Variants in TGDS observed in about 807,000 individuals in gnomAD.
The protein encoded by TGDS is TDP-glucose 4,6-dehydratase, also known as UDP-D-glucose 4,6-dehydratase.
In TGDS, 47 loss-of-function variants were observed where a neutral mutation model predicts 52.3. The ratio of observed to expected loss-of-function variants is 0.90; its 90% CI spans 0.71 to 1.15. The LOEUF (loss-of-function observed/expected upper bound fraction) is 1.15, where lower values mean the gene tolerates loss of function less well. TGDS is among the 50% of genes most tolerant of loss of function. TGDS has a pLI of 0.00. For missense variants in TGDS, 375 were observed against 418.4 expected (o/e 0.90, Z 0.90); for synonymous variants, 115 against 136.9 (o/e 0.84, Z 1.12).
Position 94,578,029 on chromosome 13 carries a change from C to T in TGDS, c.801G>A (p.Gln267=). The change falls in exon 9 of 12, where the codon CAG becomes CAA. Residue 267 remains glutamine (Q), a synonymous_variant. Coordinates refer to ENST00000261296, the MANE Select transcript of TGDS (RefSeq NM_014305.4). ...IGTNFEMSVV[Q]LAKELIQLIK... ...CCAGTTGTATTAGTTCTTTGGCAAGCTGGACAACTGACATTTCAAAATTGG... is the reference window on the plus strand; with the variant it reads ...CCAGTTGTATTAGTTCTTTGGCAAGTTGGACAACTGACATTTCAAAATTGG... 6.2e-7 allele frequency: 1 copy of T among 1,613,748 alleles called. No homozygotes were observed. Among genetic ancestry groups the T allele is most frequent in the Non-Finnish European group, 8.5e-7 (1 of 1,179,808 alleles).
At position 94,577,407 on chromosome 13, in the gene TGDS, G is replaced by T; in HGVS notation, c.848C>A (p.Ser283Tyr). The T allele has an allele frequency of 6.3e-7, 1 of 1,576,528 alleles. No individual in the cohort carries two copies. The highest frequency in any genetic ancestry group is 8.6e-7 in the Non-Finnish European group (1 of 1,165,754). ...ATAATCAACCCAATTTTCCATTTCAGACTCTGAATTGGTCTCTTTGATCTG... is the reference window on the plus strand; with the variant it reads ...ATAATCAACCCAATTTTCCATTTCATACTCTGAATTGGTCTCTTTGATCTG... ...IQLIKETNSE[S>Y]EMENWVDYVN... is the part of the protein sequence containing the mutation. The change falls in exon 10 of 12, where the codon TCT becomes TAT. Residue 283 changes from serine to tyrosine, a missense_variant. Physicochemically the swap from Ser to Tyr is moderately radical, Grantham distance 144. Coordinates refer to ENST00000261296, the MANE Select transcript of TGDS (RefSeq NM_014305.4).
chr13:94,585,672 C>T (rs1358343425), intron 4 of TGDS, among the ~76,000 whole-genome samples: 3 of 151,780 alleles, frequency 2.0e-5, no homozygotes, highest in Admixed American at 1.3e-4. Flanking sequence ...TGGTGGCACA[C>T]GCCTGTAATC....
At chr13:94,577,967 A>T (rs753067114) in intron 9 of TGDS, 38 bp downstream of exon 9, 1 of 1,591,312 alleles carries the variant, frequency 6.3e-7, no homozygotes, top group East Asian at 2.3e-5. Context: ...TGCCACTAAC[A>T]ATTTTGAAAA....
At position 94,593,840 on chromosome 13, in the gene TGDS, C is replaced by T. The variant is rs1555343391; in HGVS notation, c.153+1G>A. The T allele has an allele frequency of 1.3e-6, 2 of 1,559,808 alleles. No homozygotes were observed. Among genetic ancestry groups the T allele is most frequent in the Non-Finnish European group, 1.8e-6 (2 of 1,142,394 alleles). On this transcript the variant is annotated splice_donor_variant, in intron 2 of 11. Transcript: ENST00000261296. LOFTEE classifies it high-confidence loss of function. ...ATGATGCTCATTTTTATAAAACTCA[C>T]CTTGTCTAGATTTATGATCATATAG...
intron 6 of TGDS, among the ~76,000 whole-genome samples, chr13:94,580,200 G>A (rs1243981661): frequency 6.6e-6 from 1 of 152,202 alleles, no homozygotes; most frequent in African/African-American, 2.4e-5. Context: ...GATAAACACA[G>A]ATGGCACAGG....
intron 4 of TGDS, among the ~76,000 whole-genome samples, chr13:94,584,547 A>C (rs1190505038): frequency 1.3e-5 from 2 of 152,222 alleles, no homozygotes; most frequent in Admixed American, 6.5e-5. Context: ...ATAGGCAAAT[A>C]ATATTCCCTA....
intron 10 of TGDS, 111 bp downstream of exon 10, chr13:94,577,260 C>T: frequency 1.3e-6 from 1 of 775,710 alleles, no homozygotes; most frequent in Non-Finnish European, 1.9e-6. Flanking sequence ...AATGTTTTAC[C>T]AGAAAATTCA....
chr13:94,583,225 C>G lies in TGDS; in HGVS notation c.325G>C (p.Val109Leu). 6.2e-7 allele frequency: 1 copy of G among 1,611,888 alleles called. No homozygotes were observed. Among genetic ancestry groups the G allele is most frequent in the Non-Finnish European group, 8.5e-7 (1 of 1,179,462 alleles). The change falls in exon 5 of 12, where the codon GTA (valine) becomes CTA (leucine). Residue 109 changes from valine (V) to leucine (L), a missense_variant. Physicochemically the swap from Val to Leu is conservative, Grantham distance 32 (BLOSUM62 1). Coordinates refer to ENST00000261296, the MANE Select transcript of TGDS (RefSeq NM_014305.4). ...ACATAGGTAAACTCAAAGGCACGTA[C>G]GAATGAAAGATCTAAAAGAAAAGAG... ...AAQTHVDLSF[V>L]RAFEFTYVNV...
At chr13:94,594,106 A>T (rs1322131158) in intron 1 of TGDS, among the ~76,000 whole-genome samples, 199 bp from the exon 2 acceptor site, 1 of 152,246 alleles carries the variant, frequency 6.6e-6, no homozygotes, top group African/African-American at 2.4e-5. Flanking sequence ...TATAAACAAA[A>T]GTTTTACATT....
intron 5 of TGDS, among the ~76,000 whole-genome samples, chr13:94,581,726 A>C (rs918624624): frequency 6.6e-6 from 1 of 152,180 alleles, no homozygotes; most frequent in Non-Finnish European, 1.5e-5. Flanking sequence ...TTCTCACTGT[A>C]AGTCTTTTCA....
chr13:94,576,280 G>T, intron 11 of TGDS, 34 bp downstream of exon 11: 2 of 1,448,432 alleles, frequency 1.4e-6, no homozygotes, highest in East Asian at 2.4e-5. Context: ...AAATTTTTCT[G>T]ACTTGCCCCC....
At chr13:94,589,791 G>A (rs1488047777) in intron 4 of TGDS, among the ~76,000 whole-genome samples, 2 of 152,194 alleles carry the variant, frequency 1.3e-5, no homozygotes, top group East Asian at 3.8e-4. Flanking sequence ...CTAAGATTTG[G>A]TGATATCTGG....
chr13:94,576,595 T>C (rs1419234855), intron 10 of TGDS, among the ~76,000 whole-genome samples, 184 bp from the exon 11 acceptor site: 1 of 151,772 alleles, frequency 6.6e-6, no homozygotes, highest in African/African-American at 2.4e-5. Context: ...AAGTCACCCA[T>C]AATGCCAGGT....
rs762149592 is a variant in TGDS at position 94,578,129 on chromosome 13, T to A, written c.701A>T (p.Tyr234Phe). ...AAATGCTTCTACAACATCAGTAGCA[T>A]AAAGGAAGTTTCTTGTTTGAAGCCC... Reference protein sequence around the residue: ...GSGLQTRNFLYATDVVEAFLT... With the variant: ...GSGLQTRNFLFATDVVEAFLT... The change falls in exon 9 of 12, where the codon TAT (tyrosine) becomes TTT (phenylalanine). Residue 234 changes from tyrosine (Y) to phenylalanine (F), a missense_variant. Coordinates refer to ENST00000261296, the MANE Select transcript of TGDS (RefSeq NM_014305.4). 5.6e-6 allele frequency: 9 copies of A among 1,613,836 alleles called. No individual in the cohort carries two copies. The South Asian group carries it at 9.9e-5, about 18-fold the overall frequency.
At chr13:94,580,741 G>A (rs1042723102) in intron 6 of TGDS, among the ~76,000 whole-genome samples, 8 of 152,212 alleles carry the variant, frequency 5.3e-5, no homozygotes, top group Admixed American at 3.3e-4. Context: ...AACTGAATAC[G>A]AAGAGGTCGG....
At chr13:94,584,887 A>T (rs1028404931) in intron 4 of TGDS, among the ~76,000 whole-genome samples, 6 of 152,224 alleles carry the variant, frequency 3.9e-5, no homozygotes, top group African/African-American at 1.4e-4. Context: ...AAACAAAATC[A>T]AATGTGTTAA....
intron 3 of TGDS, among the ~76,000 whole-genome samples, 200 bp downstream of exon 3, chr13:94,592,041 T>C (rs1889219369): frequency 6.6e-6 from 1 of 151,876 alleles, no homozygotes; most frequent in Non-Finnish European, 1.5e-5. Flanking sequence ...AAATCACATG[T>C]AGCTTTTTAT....
chr13:94,586,390 A>G (rs943373377), intron 4 of TGDS, among the ~76,000 whole-genome samples: 1 of 152,364 alleles, frequency 6.6e-6, no homozygotes, highest in East Asian at 1.9e-4. Context: ...AATAGATTTT[A>G]AAGCAGTACA....
intron 4 of TGDS, among the ~76,000 whole-genome samples, chr13:94,585,793 C>T (rs1007629412): frequency 8.1e-5 from 8 of 98,194 alleles, no homozygotes; most frequent in Non-Finnish European, 1.4e-4. Context: ...GAACAAGACT[C>T]TGTCTCAAAA....
Sources: gnomAD v4.1 joint callset for allele counts (sites outside exome capture counted in the v4.1 genomes callset) on GRCh38, gnomAD v4.1.1 for gene constraint, MANE v1.5 for transcripts, NCBI Gene and HGNC (gene_info 2026-07-23, HGNC 2026-07-21) for gene names.